The following MAP4K3 variants were observed in gnomAD, a reference collection of about 807,000 sequenced individuals.
The protein encoded by MAP4K3 is MAPK/ERK kinase kinase kinase 3.
In MAP4K3, 94 loss-of-function variants were observed where a neutral mutation model predicts 143.5. The ratio of observed to expected loss-of-function variants is 0.65; its 90% CI spans 0.55 to 0.78. The LOEUF (loss-of-function observed/expected upper bound fraction) is 0.78. Among genes scored for constraint, MAP4K3 ranks in the 30% least tolerant of loss-of-function variants. The probability of loss-of-function intolerance (pLI) is 0.00; values close to 1 mark genes in which losing one functional copy is unlikely to be tolerated. For missense variants in MAP4K3, 1,077 were observed against 1,068.1 expected (o/e 1.01, Z -0.12); for synonymous variants, 416 against 347.2 (o/e 1.20, Z -2.20).
intron 2 of MAP4K3, among the ~76,000 whole-genome samples, chr2:39,370,667 A>G (rs547352609): frequency 1.3e-4 from 20 of 152,136 alleles, no homozygotes; most frequent in African/African-American, 4.3e-4. Flanking sequence ...ATAATACCCT[A>G]TTTTCTCACT....
intron 15 of MAP4K3, among the ~76,000 whole-genome samples, chr2:39,302,182 A>G (rs1206054781): frequency 1.3e-5 from 2 of 152,216 alleles, no homozygotes; most frequent in African/African-American, 4.8e-5. Context: ...AGGCCAGGAA[A>G]GAAGTTGTAG....
Position 39,437,130 on chromosome 2 carries a change from G to C in MAP4K3, c.-143C>G, listed in dbSNP as rs543231188. On this transcript the variant is annotated 5_prime_UTR_variant, in exon 1 of 34. Transcript: ENST00000263881. ...CCGGCTCCACGCTGCGGCCGCCGCC[G>C]CCGCCGCCGCTCCCCTCACGCCGCT... The C allele has an allele frequency of 3.8e-4, 184 of 481,324 alleles. No homozygotes were observed. The highest frequency in any genetic ancestry group is 3.5e-3 in the African/African-American group (168 of 48,252). The allele number at this position is 481,324 out of a possible 1,614,324, so 29.8% of individuals were successfully genotyped here. A position where few individuals can be genotyped will look rare whatever the true frequency, so the allele number is the denominator to read the frequency against.
In MAP4K3 at chr2:39,292,985, C is replaced by T. The variant is rs547867610; in HGVS notation, c.1218-159G>A. 8.5e-5 allele frequency among the ~76,000 whole-genome samples: 13 copies of T among 152,106 alleles called. No individual in the cohort carries two copies. The East Asian group carries it at 1.4e-3, about 16-fold the overall frequency. On this transcript the variant is annotated intron_variant, in intron 17 of 33. Coordinates refer to ENST00000263881, the MANE Select transcript of MAP4K3 (RefSeq NM_003618.4). ...CAGAATTAAAACAAGGAACTGGGAG[C>T]GGTGGATCGTGATGTCCGTTACTAG... is the stretch of plus-strand genomic sequence containing the variant.
chr2:39,363,300 A>C (rs534323031), intron 2 of MAP4K3, among the ~76,000 whole-genome samples: 2 of 152,194 alleles, frequency 1.3e-5, no homozygotes, highest in African/African-American at 4.8e-5. Context: ...TGCAAACCAT[A>C]TATCTGATGA....
chr2:39,337,596 A>T lies in MAP4K3; in HGVS notation c.311-15T>A, dbSNP rs1558654003. ...AGGTCCAGTTACTGTAAAAGAAGAC[A>T]ATTAATACTCATAAAATTAGTCAAC... On this transcript the variant is annotated splice_polypyrimidine_tract_variant and intron_variant, in intron 4 of 33. Transcript: ENST00000263881. 6.3e-7 allele frequency: 1 copy of T among 1,580,182 alleles called. No homozygotes were observed.
intron 32 of MAP4K3, 62 bp downstream of exon 32, chr2:39,254,388 G>T (rs189347133): frequency 3.1e-6 from 4 of 1,288,986 alleles, no homozygotes; most frequent in Non-Finnish European, 3.4e-6. Flanking sequence ...TTTAGGAATC[G>T]AACTGTTTGA....
Position 39,352,327 on chromosome 2 carries a change from C to T in MAP4K3, c.245+3922G>A, listed in dbSNP as rs61307566. On this transcript the variant is annotated intron_variant, in intron 3 of 33. Transcript: ENST00000263881. ...ATAAATGAGCATTTATTGTTTTTCC[C>T]CCTAAGCTTTATTGAGTTCAAGCTT... 9.6e-3 allele frequency among the ~76,000 whole-genome samples: 1,459 copies of T among 152,154 alleles called. 11 individuals carry two copies. Among genetic ancestry groups the T allele is most frequent in the African/African-American group, 0.034 (1,395 of 41,504 alleles).
chr2:39,378,122 G>T lies in MAP4K3; in HGVS notation c.98C>A (p.Ala33Glu). Residue 33 changes from alanine (A) to glutamate (E), a missense_variant and splice_region_variant, in exon 2 of 34, where the codon GCA becomes GAA. Around this residue, in one of 2 missense-constraint regions of MAP4K3, gnomAD observed 213 missense variants for 266.8 expected, o/e 0.80. Coordinates refer to ENST00000263881, the MANE Select transcript of MAP4K3 (RefSeq NM_003618.4). ...TAATTCACCAGTGTTAACATTCCGT[G>T]CCTAAAAGAAAGAGGAAAAAAGGAT... The part of the protein sequence containing the change: ...GSGTYGDVYK[A>E]RNVNTGELAA... 6.4e-7 allele frequency: 1 copy of T among 1,573,076 alleles called. No individual in the cohort carries two copies. Among genetic ancestry groups the T allele is most frequent in the Non-Finnish European group, 8.6e-7 (1 of 1,157,536 alleles).
At chr2:39,417,891 C>A (rs927822088) in intron 1 of MAP4K3, among the ~76,000 whole-genome samples, 1 of 152,052 alleles carries the variant, frequency 6.6e-6, no homozygotes, top group Middle Eastern at 3.4e-3. Flanking sequence ...TCTTGCAGTG[C>A]CAGAAAGTAA....
chr2:39,369,607 A>G (rs1666027275), intron 2 of MAP4K3, among the ~76,000 whole-genome samples: 1 of 152,080 alleles, frequency 6.6e-6, no homozygotes, highest in African/African-American at 2.4e-5. Flanking sequence ...TACTATCCTC[A>G]TGTGGAATAC....
chr2:39,396,804 A>G (rs1022603712), intron 1 of MAP4K3, among the ~76,000 whole-genome samples: 2 of 152,218 alleles, frequency 1.3e-5, no homozygotes, highest in African/African-American at 4.8e-5. Context: ...GTTTTTCATA[A>G]AACCATTTTA....
chr2:39,406,709 T>C (rs1035871132), intron 1 of MAP4K3, among the ~76,000 whole-genome samples: 41 of 152,002 alleles, frequency 2.7e-4, no homozygotes, highest in African/African-American at 9.7e-4. Flanking sequence ...ACCAGACCTG[T>C]CCTACAAGAA....
chr2:39,406,091 A>G (rs1667085376), intron 1 of MAP4K3, among the ~76,000 whole-genome samples: 1 of 152,106 alleles, frequency 6.6e-6, no homozygotes, highest in African/African-American at 2.4e-5. Context: ...GAAAAATGCA[A>G]CAGACATACT....
At chr2:39,258,134 G>A (rs1395431152) in intron 31 of MAP4K3, among the ~76,000 whole-genome samples, 3 of 152,122 alleles carry the variant, frequency 2.0e-5, no homozygotes, top group African/African-American at 7.2e-5. Context: ...GTTTCACCAT[G>A]TTGGCCAGGC....
chr2:39,337,752 GTTTTTT>G (rs570853243), intron 4 of MAP4K3, among the ~76,000 whole-genome samples, 171 bp from the exon 5 acceptor site: 3 of 70,510 alleles, frequency 4.3e-5, no homozygotes, highest in Non-Finnish European at 7.1e-5. Flanking sequence ...CCTGGCTCCA[GTTTTTT>G]TTTTTTTTTT....
chr2:39,361,256 TATA>T (rs991513548), intron 2 of MAP4K3, among the ~76,000 whole-genome samples: 9 of 152,084 alleles, frequency 5.9e-5, no homozygotes, highest in African/African-American at 1.2e-4. Flanking sequence ...AATATGATAT[TATA>T]ATAATATACA....
At chr2:39,294,964 C>T (rs998829327) in intron 16 of MAP4K3, among the ~76,000 whole-genome samples, 1 of 151,470 alleles carries the variant, frequency 6.6e-6, no homozygotes, top group South Asian at 2.1e-4. Flanking sequence ...ATGTGTGATA[C>T]CACAACAGAT....
At chr2:39,428,673 ACT>A (rs1166675901) in intron 1 of MAP4K3, among the ~76,000 whole-genome samples, 1 of 150,166 alleles carries the variant, frequency 6.7e-6, no homozygotes, top group Non-Finnish European at 1.5e-5. Flanking sequence ...AAAGAGCAAA[ACT>A]CTGCCTCAAA....
intron 24 of MAP4K3, among the ~76,000 whole-genome samples, chr2:39,276,392 C>G (rs778533709): frequency 6.6e-6 from 1 of 152,154 alleles, no homozygotes; most frequent in Non-Finnish European, 1.5e-5. Flanking sequence ...AACGGTCATT[C>G]AATTCGGTCA....
Sources: allele counts gnomAD v4.1 joint callset (sites outside exome capture counted in the v4.1 genomes callset), GRCh38; gene constraint gnomAD v4.1.1; regional missense constraint gnomAD v4.1.1; transcripts MANE v1.5; gene names NCBI Gene and HGNC (gene_info 2026-07-23, HGNC 2026-07-21).